The following VPS8 variants were observed in gnomAD, a reference collection of about 807,000 sequenced individuals.
VPS8 encodes VPS8 subunit of CORVET complex.
Under a neutral mutation model 216.4 loss-of-function variants are expected in VPS8, and 129 were observed. The ratio of observed to expected loss-of-function variants is 0.60; its 90% CI spans 0.52 to 0.69. The LOEUF is 0.69. VPS8 is among the 30% of genes least tolerant of loss of function. The pLI, the probability that VPS8 is intolerant of heterozygous loss-of-function variation, is 0.00. For synonymous variants in VPS8, 571 were observed against 565.4 expected (o/e 1.01, Z -0.14); for missense variants, 1,531 against 1,683.5 (o/e 0.91, Z 1.59).
At chr3:184,889,490 T>C (rs1731934116) in intron 22 of VPS8, among the ~76,000 whole-genome samples, 1 of 152,174 alleles carries the variant, frequency 6.6e-6, no homozygotes, top group Non-Finnish European at 1.5e-5. Context: ...CCCTGGACCA[T>C]AGTACAAAGA....
chr3:184,869,648 C>A (rs916139874), intron 20 of VPS8, 120 bp downstream of exon 20: 50 of 631,450 alleles, frequency 7.9e-5, no homozygotes, highest in African/African-American at 2.5e-4. Flanking sequence ...TATTAAAAAA[C>A]ACACACACAC....
At position 184,824,735 on chromosome 3, in the gene VPS8, A is replaced by G. The variant is rs748885238; in HGVS notation, c.103A>G (p.Lys35Glu). ...KSFNLEASLS[K>E]FSYIDMDKEL... ...TTTCAATCTAGAAGCTTCACTTTCA[A>G]AATTCTCTTACATAGATATGGACAA... Residue 35 changes from lysine (K) to glutamate (E), a missense_variant, in exon 2 of 48, where the codon AAA becomes GAA. By Grantham distance (56) the Lys-to-Glu change is moderately conservative. This residue lies in a region of VPS8 where 199 missense variants were observed against 182.2 expected (regional missense o/e 1.09). Coordinates refer to ENST00000625842, the MANE Select transcript of VPS8 (RefSeq NM_001009921.3). 4 of 1,613,742 alleles carry G rather than the reference A, an allele frequency of 2.5e-6. No individual in the cohort carries two copies. Among genetic ancestry groups the G allele is most frequent in the Non-Finnish European group, 3.4e-6 (4 of 1,179,768 alleles).
At chr3:184,834,092 T>C (rs541180158) in intron 4 of VPS8, among the ~76,000 whole-genome samples, 1 of 152,202 alleles carries the variant, frequency 6.6e-6, no homozygotes, top group East Asian at 1.9e-4. Context: ...GAGGAGGTGG[T>C]TGAAGATTGA....
In VPS8 at chr3:184,894,616, G is replaced by A. The variant is rs527540745; in HGVS notation, c.1782-87G>A. 6.8e-4 allele frequency: 708 copies of A among 1,038,444 alleles called. 5 individuals are homozygous for A. In the African/African-American group the frequency reaches 0.011, roughly 16 times the overall value. The allele number at this position is 1,038,444 out of a possible 1,614,324, so 64.3% of individuals were successfully genotyped here. ...TAAACTCATGAGTAAGTTGAAGTAG[G>A]GAAAAGATGAGATATATTTGGGAGA... On this transcript the variant is annotated intron_variant, in intron 22 of 47. Transcript: ENST00000625842.
intron 25 of VPS8, among the ~76,000 whole-genome samples, chr3:184,904,628 G>A (rs1249518457): frequency 6.6e-6 from 1 of 152,146 alleles, no homozygotes; most frequent in East Asian, 1.9e-4. Flanking sequence ...GTTCATAAGA[G>A]ATATTGTTCT....
chr3:184,871,858 G>T (rs1395900050), intron 21 of VPS8, among the ~76,000 whole-genome samples: 2 of 152,246 alleles, frequency 1.3e-5, no homozygotes, highest in Admixed American at 1.3e-4. Flanking sequence ...TGGAAGACAA[G>T]AATAGATATG....
At chr3:185,046,905 A>T (rs910996871) in intron 46 of VPS8, among the ~76,000 whole-genome samples, 2 of 152,148 alleles carry the variant, frequency 1.3e-5, no homozygotes, top group Non-Finnish European at 2.9e-5. Context: ...AGAAATCAGA[A>T]ATCTGCATGC....
At chr3:184,880,532 A>G (rs1730090569) in intron 21 of VPS8, among the ~76,000 whole-genome samples, 1 of 152,186 alleles carries the variant, frequency 6.6e-6, no homozygotes. Flanking sequence ...ATTCCATAGT[A>G]TGGATGAGCC....
At chr3:184,813,103 CAGG>C (rs1259518232) in intron 1 of VPS8, among the ~76,000 whole-genome samples, 53 of 152,182 alleles carry the variant, frequency 3.5e-4, no homozygotes, top group Middle Eastern at 3.4e-3. Flanking sequence ...GGGTGCTTTA[CAGG>C]AGGATAGGGT....
intron 34 of VPS8, among the ~76,000 whole-genome samples, chr3:184,934,953 C>T (rs1235559551): frequency 6.6e-6 from 1 of 152,144 alleles, no homozygotes; most frequent in Non-Finnish European, 1.5e-5. Flanking sequence ...GTTGCTAGAA[C>T]TTACCAGTGA....
chr3:184,867,787 A>G (rs920124734), intron 17 of VPS8, among the ~76,000 whole-genome samples: 4 of 152,260 alleles, frequency 2.6e-5, no homozygotes, highest in Admixed American at 1.3e-4. Context: ...TGGAGGTTGC[A>G]GTAAGCCAAG....
chr3:184,872,229 T>C (rs993677867), intron 21 of VPS8, among the ~76,000 whole-genome samples: 3 of 152,018 alleles, frequency 2.0e-5, no homozygotes, highest in Admixed American at 6.6e-5. Flanking sequence ...GTATACTTTG[T>C]TGAAAAAAAT....
chr3:184,906,062 T>G (rs759632751), intron 25 of VPS8, among the ~76,000 whole-genome samples: 1 of 152,090 alleles, frequency 6.6e-6, no homozygotes, highest in Non-Finnish European at 1.5e-5. Flanking sequence ...GAGGTCTTTG[T>G]TTTTGTGTTT....
chr3:184,990,923 CCG>C (rs1257834592), intron 42 of VPS8, among the ~76,000 whole-genome samples: 1 of 32,772 alleles, frequency 3.1e-5, no homozygotes, highest in Non-Finnish European at 1.4e-4. Context: ...CCAAATTACA[CCG>C]TTTTTTTTTT....
At chr3:185,025,006 A>T (rs1048609448) in intron 46 of VPS8, among the ~76,000 whole-genome samples, 3 of 151,478 alleles carry the variant, frequency 2.0e-5, no homozygotes, top group Non-Finnish European at 2.9e-5. Context: ...CCATCTCAAA[A>T]AAAGAAAAAG....
At chr3:184,964,999 G>A (rs762695745) in intron 38 of VPS8, among the ~76,000 whole-genome samples, 24 of 152,040 alleles carry the variant, frequency 1.6e-4, no homozygotes, top group Non-Finnish European at 2.8e-4. Flanking sequence ...TTAATTTTTT[G>A]AGGAATTGCC....
chr3:184,912,552 T>A (rs561359810), intron 25 of VPS8, among the ~76,000 whole-genome samples: 1 of 152,214 alleles, frequency 6.6e-6, no homozygotes, highest in Admixed American at 6.5e-5. Flanking sequence ...TTTGGGATTC[T>A]GAGACTTTAT....
chr3:184,983,002 GT>G lies in VPS8; in HGVS notation c.3503-8del. The G allele has an allele frequency of 6.3e-7, 1 of 1,583,124 alleles. No homozygotes were observed. Among genetic ancestry groups the G allele is most frequent in the East Asian group, 2.3e-5 (1 of 44,120 alleles). On this transcript the variant is annotated splice_polypyrimidine_tract_variant and intron_variant, in intron 41 of 47. Coordinates refer to ENST00000625842, the MANE Select transcript of VPS8 (RefSeq NM_001009921.3). Reference sequence around the variant, plus strand: ...AAACTAACCTTAATGTTAATATTTTGTTATAACAGCTCTGAAGTCTTTGACC... The same window carrying G: ...AAACTAACCTTAATGTTAATATTTTGTATAACAGCTCTGAAGTCTTTGACC...
intron 9 of VPS8, 85 bp from the exon 10 acceptor site, chr3:184,849,851 T>C (rs977619121): frequency 1.2e-5 from 12 of 983,358 alleles, no homozygotes; most frequent in Non-Finnish European, 1.9e-5. Flanking sequence ...AGTCAAGGAA[T>C]AGATTATTCC....
Sources: gnomAD v4.1 joint callset for allele counts (sites outside exome capture counted in the v4.1 genomes callset) on GRCh38, gnomAD v4.1.1 for gene constraint, gnomAD v4.1.1 regional missense constraint, MANE v1.5 for transcripts, NCBI Gene and HGNC (gene_info 2026-07-23, HGNC 2026-07-21) for gene names.